Variants in SPG7 observed in about 807,000 individuals in gnomAD.
SPG7 encodes mitochondrial inner membrane m-AAA protease component paraplegin.
Under a neutral mutation model 81.9 loss-of-function variants are expected in SPG7, and 103 were observed. The observed-to-expected ratio is 1.26, with a 90% CI of 1.07 to 1.48. SPG7 has a LOEUF of 1.48. Ranked by LOEUF, SPG7 falls within the 40% of genes most tolerant of loss-of-function variation. The probability of loss-of-function intolerance (pLI) is 0.00; values close to 1 mark genes in which losing one functional copy is unlikely to be tolerated. For synonymous variants in SPG7, 534 were observed against 444.2 expected, an observed-to-expected ratio of 1.20 and a Z score of -2.54; for missense variants, 1,241 against 1,087.3, an observed-to-expected ratio of 1.14 and a Z score of -1.99.
intron 10 of SPG7, chr16:89,546,008 CAG>C (rs2058558944): frequency 7.4e-6 from 3 of 404,316 alleles, no homozygotes; most frequent in Admixed American, 3.0e-5. Flanking sequence ...TAATTTTTAA[CAG>C]AGTCTCGCTG....
intron 9 of SPG7, among the ~76,000 whole-genome samples, chr16:89,535,281 G>C (rs572886376): frequency 6.6e-6 from 1 of 152,168 alleles, no homozygotes; most frequent in Non-Finnish European, 1.5e-5. Context: ...CTGTGCTGGC[G>C]CCCGTCTCTT....
intron 12 of SPG7, chr16:89,549,490 C>T (rs1454001859): frequency 5.8e-6 from 2 of 342,964 alleles, no homozygotes; most frequent in Non-Finnish European, 1.1e-5. Context: ...AAGACCCCAT[C>T]TCTTAAAAGA....
intron 4 of SPG7, among the ~76,000 whole-genome samples, 171 bp downstream of exon 4, chr16:89,524,418 A>G (rs1470458895): frequency 6.6e-6 from 1 of 152,040 alleles, no homozygotes; most frequent in Admixed American, 6.5e-5. Flanking sequence ...ACCTCAGCCC[A>G]TTGATTTGCA....
At chr16:89,530,932 C>A in intron 7 of SPG7, 124 bp downstream of exon 7, 1 of 1,297,696 alleles carries the variant, frequency 7.7e-7, no homozygotes, top group Non-Finnish European at 1.1e-6. Flanking sequence ...GTGACCTCTA[C>A]CATGTCCCAT....
intron 9 of SPG7, chr16:89,533,073 C>CA (rs398042283): frequency 0.42 from 35,561 of 84,728 alleles, 7,757 homozygotes; most frequent in East Asian, 0.62. Context: ...GACTCCATCT[C>CA]AAAAAAAAAA....
chr16:89,508,873 G>T, intron 1 of SPG7: 2 of 646,804 alleles, frequency 3.1e-6, no homozygotes, highest in Non-Finnish European at 5.7e-6. Context: ...GATGTTCTCC[G>T]CCCGTCTTCC....
At chr16:89,548,364 A>G in intron 12 of SPG7, 1 of 482,912 alleles carries the variant, frequency 2.1e-6, no homozygotes, top group Non-Finnish European at 3.7e-6. Context: ...AGAAAGTGAA[A>G]AAATAAAAAT....
rs35936864 is a variant in SPG7 at position 89,546,571 on chromosome 16, A to AC, written c.1450-75dup. 11,197 of 773,510 alleles carry AC rather than the reference A, an allele frequency of 0.014. 167 individuals carry two copies. The highest frequency in any genetic ancestry group is 0.058 in the African/African-American group (3,037 of 52,628). 47.9% of individuals were successfully genotyped at this position (773,510 alleles called of 1,614,324 possible). ...CACTTGTAATCCCAGCTACTTGGGG[A>AC]CCCCCCCCCCCCACAGACAAACATG... On this transcript the variant is annotated intron_variant, in intron 10 of 16. Coordinates refer to ENST00000645818, the MANE Select transcript of SPG7 (RefSeq NM_003119.4).
chr16:89,531,023 C>T (rs1597631828), intron 7 of SPG7: 1 of 666,662 alleles, frequency 1.5e-6, no homozygotes. Flanking sequence ...CAGAGGCTGC[C>T]AAGACCCATG....
rs562948137 is a variant in SPG7 at position 89,541,435 on chromosome 16, G to C, written c.1325-3213G>C. On this transcript the variant is annotated intron_variant, in intron 9 of 16. Transcript: ENST00000645818. Reference sequence around the variant, plus strand: ...TTCTGGGGATGGAGAACGGGTTACTGGTTGTCAGCAGTTAGGGGAGGTCTC... The same window carrying C: ...TTCTGGGGATGGAGAACGGGTTACTCGTTGTCAGCAGTTAGGGGAGGTCTC... 1.5e-5 allele frequency: 10 copies of C among 689,224 alleles called. No individual in the cohort carries two copies. In the South Asian group the frequency reaches 6.5e-4, roughly 45 times the overall value. The allele number at this position is 689,224 out of a possible 1,614,324, so 42.7% of individuals were successfully genotyped here.
rs773412289 is a variant in SPG7 at position 89,532,561 on chromosome 16, C to T, written c.1249C>T (p.Arg417Cys). Residue 417 changes from arginine (R) to cysteine (C), a missense_variant, in exon 9 of 17, where the codon CGC becomes TGC. Transcript: ENST00000645818. Reference sequence around the variant, plus strand: ...TGAGATCGACGCGGTGGGCAAGAAGCGCTCCACCACCATGTCCGGCTTCTC... The same window carrying T: ...TGAGATCGACGCGGTGGGCAAGAAGTGCTCCACCACCATGTCCGGCTTCTC... ...IDEIDAVGKK[R>C]STTMSGFSNT... 1.9e-6 allele frequency: 3 copies of T among 1,613,624 alleles called. No homozygotes were observed. The highest frequency in any genetic ancestry group is 1.7e-5 in the Admixed American group (1 of 60,010).
intron 9 of SPG7, chr16:89,536,821 A>AC (rs2058431122): frequency 6.2e-7 from 1 of 1,612,968 alleles, no homozygotes; most frequent in African/African-American, 1.3e-5. Context: ...CAGAGGAAAG[A>AC]CCCCCGCCTG....
At chr16:89,512,270 C>A (rs896924591) in intron 2 of SPG7, among the ~76,000 whole-genome samples, 30 of 151,258 alleles carry the variant, frequency 2.0e-4, no homozygotes, top group African/African-American at 6.6e-4. Flanking sequence ...TGAGGAGTGT[C>A]GTGCCGGCCC....
intron 1 of SPG7, among the ~76,000 whole-genome samples, chr16:89,509,430 T>C (rs2057981594): frequency 6.6e-6 from 1 of 152,158 alleles, no homozygotes; most frequent in East Asian, 1.9e-4. Flanking sequence ...TTTGTATTTT[T>C]AGTAGAGACG....
intron 9 of SPG7, chr16:89,537,828 C>T (rs769667621): frequency 4.5e-5 from 42 of 938,136 alleles, no homozygotes; most frequent in East Asian, 1.2e-4. Context: ...CAGTGTGACC[C>T]GGGACACCCC....
At chr16:89,543,415 T>G (rs1459703795) in intron 9 of SPG7, 1 of 147,250 alleles carries the variant, frequency 6.8e-6, no homozygotes, top group Non-Finnish European at 1.5e-5. Flanking sequence ...CAATCTCGGT[T>G]CACTGTAACC....
chr16:89,513,938 G>A (rs1274359499), intron 3 of SPG7, among the ~76,000 whole-genome samples: 2 of 152,152 alleles, frequency 1.3e-5, no homozygotes, highest in African/African-American at 2.4e-5. Flanking sequence ...TTGTGAATTC[G>A]AGTTTAGCAG....
At chr16:89,553,475 CG>C (rs2058657063) in intron 14 of SPG7, 3 of 526,354 alleles carry the variant, frequency 5.7e-6, no homozygotes, top group Non-Finnish European at 6.9e-6. Flanking sequence ...AGGAGGGTCC[CG>C]GGGGCCCCTG....
rs576516866 is a variant in SPG7, at chr16:89,536,077, G to A, written c.1324+3441G>A. ...TGTGGCCTTCAGTGTGGCCGCTCTGGTGCTGTGTGGCCTTCAGTGTGGCCG... is the reference window on the plus strand; with the variant it reads ...TGTGGCCTTCAGTGTGGCCGCTCTGATGCTGTGTGGCCTTCAGTGTGGCCG... On this transcript the variant is annotated intron_variant, in intron 9 of 16. Transcript: ENST00000645818. Among the ~76,000 whole-genome samples the A allele has an allele frequency of 2.6e-3, 378 of 143,918 alleles. 1 individual carries two copies. Among genetic ancestry groups the A allele is most frequent in the Middle Eastern group, 0.011 (3 of 264 alleles). 94.4% of individuals were successfully genotyped at this position (143,918 alleles called of 152,430 possible). A position where few individuals can be genotyped will look rare whatever the true frequency, so the allele number is the denominator to read the frequency against.
Sources: allele counts gnomAD v4.1 joint callset (sites outside exome capture counted in the v4.1 genomes callset), GRCh38; gene constraint gnomAD v4.1.1; transcripts MANE v1.5; gene names NCBI Gene and HGNC (gene_info 2026-07-23, HGNC 2026-07-21).